Variants in SLC41A3 observed in about 807,000 individuals in gnomAD.
The protein encoded by SLC41A3 is SLC41A1-like 2.
A neutral mutation model predicts 45.4 loss-of-function variants in SLC41A3; 44 were observed. The ratio of observed to expected loss-of-function variants is 0.97; its 90% CI spans 0.76 to 1.25. The LOEUF (loss-of-function observed/expected upper bound fraction) is 1.25, where lower values mean the gene tolerates loss of function less well. Among genes scored for constraint, SLC41A3 ranks in the 50% most tolerant of loss-of-function variants. SLC41A3 has a pLI of 0.00. For synonymous variants in SLC41A3, 256 were observed against 252.4 expected, an observed-to-expected ratio of 1.01 and a Z score of -0.13; for missense variants, 550 against 600.6, an observed-to-expected ratio of 0.92 and a Z score of 0.88.
At chr3:126,017,872 G>A (rs1940466144) in intron 6 of SLC41A3, among the ~76,000 whole-genome samples, 1 of 152,176 alleles carries the variant, frequency 6.6e-6, no homozygotes, top group African/African-American at 2.4e-5. Context: ...AGGAGGGCGT[G>A]GCCTCTGCAG....
upstream of SLC41A3, among the ~76,000 whole-genome samples, chr3:126,085,061 C>G (rs760417455): frequency 5.9e-5 from 9 of 152,178 alleles, no homozygotes; most frequent in Non-Finnish European, 1.3e-4. Context: ...CCCAGACATT[C>G]CTTTCTTTAA....
chr3:126,060,941 G>A (rs115768426), intron 2 of SLC41A3, among the ~76,000 whole-genome samples: 42 of 152,322 alleles, frequency 2.8e-4, no homozygotes, highest in African/African-American at 8.4e-4. Flanking sequence ...GCAACAGGCC[G>A]CCCAGGCTCC....
Position 126,022,791 on chromosome 3 carries a change from T to C in SLC41A3, c.740A>G (p.His247Arg), listed in dbSNP as rs1941006998. ...LALVSSFFYR[H>R]KDSRYLTPLV... ...TAGAAGAAGACACTCTTTACCTTTG[T>C]GTCTGTAGAAGAAGCTGCTAACCAA... Residue 247 changes from histidine (H) to arginine (R), a missense_variant, in exon 6 of 11, where the codon CAC (histidine) becomes CGC (arginine). His to Arg is a conservative substitution (Grantham distance 29). Transcript: ENST00000360370. 3 of 1,614,100 alleles carry C rather than the reference T, an allele frequency of 1.9e-6. No homozygotes were observed. The highest frequency in any genetic ancestry group is 2.7e-5 in the African/African-American group (2 of 74,930).
intron 6 of SLC41A3, among the ~76,000 whole-genome samples, chr3:126,017,401 G>T (rs1168728086): frequency 6.6e-6 from 1 of 152,224 alleles, no homozygotes; most frequent in African/African-American, 2.4e-5. Flanking sequence ...GGTCCTGGCT[G>T]AGGCCAGTCC....
At chr3:126,025,785 G>A (rs1214534323) in intron 5 of SLC41A3, 1 of 152,750 alleles carries the variant, frequency 6.5e-6, no homozygotes, top group African/African-American at 2.4e-5. Flanking sequence ...GCCCCACGAG[G>A]AGTAAATGTC....
chr3:126,053,441 G>A (rs1382587330), intron 2 of SLC41A3, among the ~76,000 whole-genome samples: 2 of 152,200 alleles, frequency 1.3e-5, no homozygotes, highest in South Asian at 2.1e-4. Context: ...TGTGATGGCA[G>A]TCCTAGCAAA....
Position 126,059,314 on chromosome 3 carries a change from G to GAAAGAAAGAAAGAAAGAAAGAAAGAAAGA in SLC41A3, c.274-8265_274-8264insTCTTTCTTTCTTTCTTTCTTTCTTTCTTT, listed in dbSNP as rs150520192. On this transcript the variant is annotated intron_variant, in intron 2 of 10. Transcript: ENST00000360370. ...AGAAAGAAAGAAAGAAAGAAAGGAA[G>GAAAGAAAGAAAGAAAGAAAGAAAGAAAGA]GATGATCTGTGATAAGTGCTCTGAA... is the stretch of plus-strand genomic sequence containing the variant. 2.6e-3 allele frequency among the ~76,000 whole-genome samples: 271 copies of GAAAGAAAGAAAGAAAGAAAGAAAGAAAGA among 102,672 alleles called. 3 individuals carry two copies. The highest frequency in any genetic ancestry group is 8.2e-3 in the African/African-American group (213 of 25,826). 67.4% of individuals were successfully genotyped at this position (102,672 alleles called of 152,430 possible). A position where few individuals can be genotyped will look rare whatever the true frequency, so the allele number is the denominator to read the frequency against.
intron 6 of SLC41A3, 27 bp downstream of exon 6, chr3:126,022,759 G>A (rs534172035): frequency 1.2e-6 from 2 of 1,613,538 alleles, no homozygotes; most frequent in African/African-American, 1.3e-5. Flanking sequence ...CGGAGCCTTT[G>A]TGTCTATAGA....
chr3:126,086,369 G>T (rs78247991), upstream of SLC41A3, among the ~76,000 whole-genome samples: 40 of 117,380 alleles, frequency 3.4e-4, no homozygotes, highest in East Asian at 0.01. Context: ...AAAAACCACT[G>T]TTTGGATCTA....
intron 4 of SLC41A3, among the ~76,000 whole-genome samples, chr3:126,030,145 TTA>T (rs977196909): frequency 1.4e-4 from 18 of 132,906 alleles, no homozygotes; most frequent in South Asian, 5.7e-4. Context: ...ATAATATATA[TTA>T]TATATGTTAT....
chr3:126,013,159 C>G (rs1939896008), intron 8 of SLC41A3, among the ~76,000 whole-genome samples: 1 of 151,458 alleles, frequency 6.6e-6, no homozygotes, highest in Admixed American at 6.6e-5. Flanking sequence ...AGGCCACAGG[C>G]ATTGACAGGA....
At chr3:126,085,044 C>T (rs1370463408), upstream of SLC41A3, among the ~76,000 whole-genome samples, 1 of 152,224 alleles carries the variant, frequency 6.6e-6, no homozygotes, top group East Asian at 1.9e-4. Context: ...TCTCCACAAC[C>T]TCTTAACCCA....
At chr3:126,058,348 A>C (rs988904641) in intron 2 of SLC41A3, 2 of 152,068 alleles carry the variant, frequency 1.3e-5, no homozygotes, top group Non-Finnish European at 2.9e-5. Flanking sequence ...CACAGCCCAG[A>C]CCTCTCCTCT....
At chr3:126,007,410 G>A (rs1939214170) in intron 10 of SLC41A3, among the ~76,000 whole-genome samples, 185 bp from the exon 11 acceptor site, 3 of 152,276 alleles carry the variant, frequency 2.0e-5, no homozygotes, top group East Asian at 1.9e-4. Context: ...CTAGAGAGGT[G>A]ACCCTCATCT....
At chr3:126,052,909 C>T (rs1943429448) in intron 2 of SLC41A3, among the ~76,000 whole-genome samples, 1 of 152,208 alleles carries the variant, frequency 6.6e-6, no homozygotes, top group South Asian at 2.1e-4. Flanking sequence ...AGCAGACACC[C>T]CACCTGCTCC....
At chr3:126,029,371 C>CT (rs563795643) in intron 4 of SLC41A3, among the ~76,000 whole-genome samples, 1 of 151,404 alleles carries the variant, frequency 6.6e-6, no homozygotes, top group Middle Eastern at 3.4e-3. Context: ...GGCACTCCCT[C>CT]CCCCACCACT....
chr3:126,011,697 C>T (rs1383567460), intron 9 of SLC41A3, among the ~76,000 whole-genome samples: 1 of 152,126 alleles, frequency 6.6e-6, no homozygotes, highest in East Asian at 1.9e-4. Flanking sequence ...AGAAATGGCA[C>T]CATACCTATA....
intron 6 of SLC41A3, among the ~76,000 whole-genome samples, chr3:126,021,462 T>C (rs538440625): frequency 4.6e-5 from 7 of 152,244 alleles, no homozygotes; most frequent in African/African-American, 1.7e-4. Flanking sequence ...TCGGGGATTA[T>C]GGCTTGCTAA....
intron 6 of SLC41A3, among the ~76,000 whole-genome samples, chr3:126,017,774 C>T (rs1225195420): frequency 1.3e-5 from 2 of 152,134 alleles, no homozygotes; most frequent in African/African-American, 4.8e-5. Flanking sequence ...CAGGAACATC[C>T]GCTCCTTCCT....
Sources: allele counts gnomAD v4.1 joint callset (sites outside exome capture counted in the v4.1 genomes callset), GRCh38; gene constraint gnomAD v4.1.1; transcripts MANE v1.5; gene names NCBI Gene and HGNC (gene_info 2026-07-23, HGNC 2026-07-21).